The following CEP85 variants were observed in gnomAD, a reference collection of about 807,000 sequenced individuals.
The protein encoded by CEP85 is centrosomal protein 85, also known as centrosomal protein of 85 kDa.
CEP85 carries 58 observed loss-of-function variants against 93.7 expected under a neutral mutation model. The ratio of observed to expected loss-of-function variants is 0.62; its 90% confidence interval spans 0.50 to 0.77. CEP85 has a LOEUF of 0.77. Ranked by LOEUF, CEP85 falls within the 30% of genes least tolerant of loss-of-function variation. The pLI is 0.00. For synonymous variants in CEP85, 314 were observed against 338.6 expected, an observed-to-expected ratio of 0.93 and a Z score of 0.80; for missense variants, 868 against 922.0, an observed-to-expected ratio of 0.94 and a Z score of 0.76.
At chr1:26,248,486 G>T (rs1482572846) in intron 3 of CEP85, among the ~76,000 whole-genome samples, 1 of 151,872 alleles carries the variant, frequency 6.6e-6, no homozygotes, top group East Asian at 1.9e-4. Flanking sequence ...TATTGGTCTA[G>T]AAGTTTTTTT....
At chr1:26,239,963 A>C in intron 2 of CEP85, 125 bp downstream of exon 2, 2 of 696,836 alleles carry the variant, frequency 2.9e-6, no homozygotes, top group South Asian at 1.7e-5. Flanking sequence ...TAAAAATAAC[A>C]TGGGGCTTCA....
chr1:26,255,659 G>A lies in CEP85; in HGVS notation c.697G>A (p.Ala233Thr). 6.2e-7 allele frequency: 1 copy of A among 1,614,128 alleles called. No individual in the cohort carries two copies. The highest frequency in any genetic ancestry group is 8.5e-7 in the Non-Finnish European group (1 of 1,180,016). The change falls in exon 4 of 14, where the codon GCA becomes ACA. Residue 233 changes from alanine to threonine, a missense_variant. Coordinates refer to ENST00000451429, the MANE Select transcript of CEP85 (RefSeq NM_001319944.2). ...PEAKKAPGSG[A>T]VFERNGPHSN... ...GGCCAAGAAGGCACCGGGCAGCGGG[G>A]CAGTGTTTGAGCGGAATGGACCACA...
intron 1 of CEP85, among the ~76,000 whole-genome samples, chr1:26,237,410 GTC>G (rs2089342911): frequency 6.6e-6 from 1 of 152,058 alleles, no homozygotes; most frequent in Non-Finnish European, 1.5e-5. Flanking sequence ...ACTAATCTGT[GTC>G]TCTATGGATT....
At chr1:26,245,187 A>ATTT (rs5773150) in intron 3 of CEP85, among the ~76,000 whole-genome samples, 3 of 144,220 alleles carry the variant, frequency 2.1e-5, no homozygotes, top group African/African-American at 7.7e-5. Context: ...ACACCCAGCT[A>ATTT]TTTTTTTTTT....
chr1:26,264,070 G>A (rs1380045154), intron 7 of CEP85, among the ~76,000 whole-genome samples: 1 of 152,134 alleles, frequency 6.6e-6, no homozygotes, highest in African/African-American at 2.4e-5. Context: ...TTATACATCT[G>A]TTTTTGTTTC....
chr1:26,269,781 G>GTTT (rs1557666724), intron 9 of CEP85, among the ~76,000 whole-genome samples, 167 bp downstream of exon 9: 7 of 78,134 alleles, frequency 9.0e-5, no homozygotes, highest in African/African-American at 2.0e-4. Context: ...ATGGGAAGCG[G>GTTT]CTTTTTTTTT....
At chr1:26,259,565 C>T in intron 6 of CEP85, 52 bp from the exon 7 acceptor site, 2 of 1,464,308 alleles carry the variant, frequency 1.4e-6, no homozygotes, top group African/African-American at 1.4e-5. Context: ...AAGTAAAGTA[C>T]ATGAGACTAT....
chr1:26,265,334 G>A (rs982476694), intron 7 of CEP85, among the ~76,000 whole-genome samples: 1 of 151,622 alleles, frequency 6.6e-6, no homozygotes, highest in Non-Finnish European at 1.5e-5. Flanking sequence ...GGTCAGGCTG[G>A]TCTTGAACTC....
intron 3 of CEP85, among the ~76,000 whole-genome samples, chr1:26,251,609 A>G (rs2089617042): frequency 1.3e-5 from 2 of 152,122 alleles, no homozygotes; most frequent in African/African-American, 2.4e-5. Context: ...CTGCTAATCT[A>G]TTATGAGGCT....
intron 12 of CEP85, 82 bp downstream of exon 12, chr1:26,275,153 A>C: frequency 1.0e-6 from 1 of 991,700 alleles, no homozygotes; most frequent in Non-Finnish European, 1.5e-6. Context: ...CTACCCCAAT[A>C]AGAGCCCCAG....
At chr1:26,252,287 C>T (rs2089630686) in intron 3 of CEP85, among the ~76,000 whole-genome samples, 1 of 151,810 alleles carries the variant, frequency 6.6e-6, no homozygotes, top group African/African-American at 2.4e-5. Context: ...AATCCCAGCA[C>T]TTTGGGAGGC....
At position 26,277,325 on chromosome 1, in the gene CEP85, T is replaced by G; in HGVS notation, c.*32T>G. 6.3e-7 allele frequency: 1 copy of G among 1,594,740 alleles called. No individual in the cohort carries two copies. The highest frequency in any genetic ancestry group is 1.7e-5 in the Admixed American group (1 of 59,566). On this transcript the variant is annotated 3_prime_UTR_variant, in exon 14 of 14. Transcript: ENST00000451429. The stretch of plus-strand genomic sequence containing the variant: ...CTGGGGGATTCCCCCAGGGAGGAGC[T>G]GGGCTGCTGAGAGCCTAGTCCAGCA...
intron 7 of CEP85, among the ~76,000 whole-genome samples, chr1:26,266,334 C>T (rs968344234): frequency 1.3e-5 from 2 of 152,286 alleles, no homozygotes; most frequent in Non-Finnish European, 2.9e-5. Context: ...CTGCAGTGGG[C>T]TGTGTCCGTG....
intron 7 of CEP85, 100 bp from the exon 8 acceptor site, chr1:26,268,383 G>A: frequency 7.4e-7 from 1 of 1,354,946 alleles, no homozygotes; most frequent in African/African-American, 1.5e-5. Flanking sequence ...ACTTGAGCCT[G>A]GGAGGTGGAG....
At chr1:26,264,260 C>T (rs376874258) in intron 7 of CEP85, among the ~76,000 whole-genome samples, 2 of 152,160 alleles carry the variant, frequency 1.3e-5, no homozygotes. Context: ...AGGCTGGGCG[C>T]GGTGGCTCAC....
At chr1:26,267,019 G>A (rs1310697593) in intron 7 of CEP85, among the ~76,000 whole-genome samples, 2 of 152,118 alleles carry the variant, frequency 1.3e-5, no homozygotes, top group Non-Finnish European at 2.9e-5. Context: ...GTATACTTCT[G>A]CAGTCCAATT....
At chr1:26,266,370 G>C (rs554921826) in intron 7 of CEP85, among the ~76,000 whole-genome samples, 1 of 152,210 alleles carries the variant, frequency 6.6e-6, no homozygotes, top group African/African-American at 2.4e-5. Flanking sequence ...ATGGGTGACA[G>C]AGCAAGACCC....
At chr1:26,241,244 A>AT (rs71004567) in intron 2 of CEP85, among the ~76,000 whole-genome samples, 13 of 109,284 alleles carry the variant, frequency 1.2e-4, no homozygotes, top group Middle Eastern at 5.7e-3. Context: ...ATTCAGCAGA[A>AT]TTTTTTTTTT....
intron 2 of CEP85, 31 bp downstream of exon 2, chr1:26,239,869 T>G: frequency 6.5e-7 from 1 of 1,549,450 alleles, no homozygotes; most frequent in Non-Finnish European, 8.9e-7. Context: ...TGGGTTAAAT[T>G]CTGACCTTTG....
Sources: gnomAD v4.1 joint callset for allele counts (sites outside exome capture counted in the v4.1 genomes callset) on GRCh38, gnomAD v4.1.1 for gene constraint, MANE v1.5 for transcripts, NCBI Gene and HGNC (gene_info 2026-07-23, HGNC 2026-07-21) for gene names.